Variants in KCNQ1OT1 observed in about 807,000 individuals in gnomAD.
KCNQ1OT1 encodes KCNQ1 antisense RNA 2 (non-protein coding).
exon 1 of KCNQ1OT1, chr11:2,685,748 G>A: frequency 2.5e-6 from 1 of 398,700 alleles, no homozygotes; most frequent in Non-Finnish European, 4.4e-6. Context: ...ATGGCCAGCA[G>A]GCAGGCATCC....
exon 1 of KCNQ1OT1, chr11:2,614,082 G>A (rs933717471): frequency 5.0e-6 from 2 of 398,378 alleles, no homozygotes; most frequent in Non-Finnish European, 8.8e-6. Flanking sequence ...GCATGTGTAG[G>A]TGGTTTCTAG....
exon 1 of KCNQ1OT1, chr11:2,610,674 C>G (rs1194528145): frequency 3.8e-6 from 1 of 263,772 alleles, no homozygotes; most frequent in African/African-American, 3.7e-5. Context: ...ATTTTGCCTT[C>G]TTTTTGAAAG....
At chr11:2,686,611 A>T (rs549352304) in exon 1 of KCNQ1OT1, 2 of 398,658 alleles carry the variant, frequency 5.0e-6, no homozygotes, top group South Asian at 1.3e-4. Context: ...CACTTTTCAC[A>T]TGAGCGTGGC....
At chr11:2,692,725 CCTGCT>C in exon 1 of KCNQ1OT1, 1 of 398,660 alleles carries the variant, frequency 2.5e-6, no homozygotes, top group Non-Finnish European at 4.4e-6. Flanking sequence ...TAGGCAGGTC[CCTGCT>C]CCTATCAAAT....
chr11:2,616,474 G>T, exon 1 of KCNQ1OT1: 1 of 397,698 alleles, frequency 2.5e-6, no homozygotes, highest in Non-Finnish European at 4.4e-6. Context: ...GTTACGTAAG[G>T]TATAATATTA....
chr11:2,627,957 T>C lies in KCNQ1OT1; in HGVS notation n.72038A>G. On this transcript the variant is annotated non_coding_transcript_exon_variant, in exon 1 of 1. Coordinates refer to ENST00000597346, the Ensembl canonical transcript of KCNQ1OT1. The surrounding 1 kb of genome is among the most constrained non-coding windows in gnomAD (Gnocchi z 4.9). ...TGTAGAGATAGGGTATCACTATGTT[T>C]CCTAGGCTGGTCTCAAACTCCTGTG... is the stretch of plus-strand genomic sequence containing the variant. 1 of 398,516 alleles carries C rather than the reference T, an allele frequency of 2.5e-6. No homozygotes were observed. The highest frequency in any genetic ancestry group is 4.4e-6 in the Non-Finnish European group (1 of 226,036). The allele number at this position is 398,516 out of a possible 1,614,324, so 24.7% of individuals were successfully genotyped here.
exon 1 of KCNQ1OT1, chr11:2,666,091 C>G (rs1850061922): frequency 5.0e-6 from 2 of 398,596 alleles, no homozygotes; most frequent in African/African-American, 4.1e-5. Context: ...ATGGCTCTGC[C>G]CAGCCCAGTC....
exon 1 of KCNQ1OT1, chr11:2,692,707 T>G (rs1590036185): frequency 2.5e-6 from 1 of 398,688 alleles, no homozygotes. Flanking sequence ...CCACTAACCC[T>G]GGGAGGGTAG....
chr11:2,687,426 C>T lies in KCNQ1OT1; in HGVS notation n.12569G>A. ...GAGGTCAGTAGGCACCTGTGTCCACCCAGCTGTCCATACAGATCCCTGCCT... is the reference window on the plus strand; with the variant it reads ...GAGGTCAGTAGGCACCTGTGTCCACTCAGCTGTCCATACAGATCCCTGCCT... On this transcript the variant is annotated non_coding_transcript_exon_variant, in exon 1 of 1. Coordinates refer to ENST00000597346, the Ensembl canonical transcript of KCNQ1OT1. The surrounding 1 kb of genome is among the most constrained non-coding windows in gnomAD (Gnocchi z 5.0). 1 of 398,634 alleles carries T rather than the reference C, an allele frequency of 2.5e-6. No homozygotes were observed. The highest frequency in any genetic ancestry group is 4.4e-6 in the Non-Finnish European group (1 of 226,126). 24.7% of individuals were successfully genotyped at this position (398,634 alleles called of 1,614,324 possible). A position where few individuals can be genotyped will look rare whatever the true frequency, so the allele number is the denominator to read the frequency against.
rs1264919298 is a variant in KCNQ1OT1, at chr11:2,623,849, C to T, written n.76146G>A. 4 of 398,362 alleles carry T rather than the reference C, an allele frequency of 1.0e-5. No homozygotes were observed. The highest frequency in any genetic ancestry group is 1.3e-4 in the South Asian group (1 of 7,862). 24.7% of individuals were successfully genotyped at this position (398,362 alleles called of 1,614,324 possible). On this transcript the variant is annotated non_coding_transcript_exon_variant, in exon 1 of 1. Transcript: ENST00000597346. This position sits in a 1 kb window ranked among gnomAD's most constrained non-coding sequence, Gnocchi z 5.2. ...TAATTTTATAAGAAACCACTGATTT[C>T]GATATACTCTGGATTCTTCGGGGGA...
rs1444348292 is a variant in KCNQ1OT1, at chr11:2,690,760, G to A, written n.9235C>T. Reference sequence around the variant, plus strand: ...GAGTATGATCCCAAATCCCTTAGGTGGATGTGGCCTGGCAGGGGGTCAGCA... The same window carrying A: ...GAGTATGATCCCAAATCCCTTAGGTAGATGTGGCCTGGCAGGGGGTCAGCA... On this transcript the variant is annotated non_coding_transcript_exon_variant, in exon 1 of 1. Transcript: ENST00000597346. This position sits in a 1 kb window ranked among gnomAD's most constrained non-coding sequence, Gnocchi z 5.1. The A allele has an allele frequency of 5.0e-6, 2 of 398,556 alleles. No individual in the cohort carries two copies. Among genetic ancestry groups the A allele is most frequent in the Non-Finnish European group, 8.8e-6 (2 of 226,092 alleles). 24.7% of individuals were successfully genotyped at this position (398,556 alleles called of 1,614,324 possible). A position where few individuals can be genotyped will look rare whatever the true frequency, so the allele number is the denominator to read the frequency against.
Position 2,617,495 on chromosome 11 carries a change from A to G in KCNQ1OT1, n.82500T>C. On this transcript the variant is annotated non_coding_transcript_exon_variant, in exon 1 of 1. Transcript: ENST00000597346. The surrounding 1 kb of genome is among the most constrained non-coding windows in gnomAD (Gnocchi z 4.6). ...TGGACACGTAAGTTTTCATATCGTG[A>G]CTCATGCATATAATGCCACAATGAA... The G allele has an allele frequency of 2.5e-6, 1 of 398,446 alleles. No individual in the cohort carries two copies. The highest frequency in any genetic ancestry group is 4.4e-6 in the Non-Finnish European group (1 of 225,964). 24.7% of individuals were successfully genotyped at this position (398,446 alleles called of 1,614,324 possible).
Position 2,661,940 on chromosome 11 carries a change from G to A in KCNQ1OT1, n.38055C>T, listed in dbSNP as rs755383531. The A allele has an allele frequency of 1.2e-6, 2 of 1,614,110 alleles. No homozygotes were observed. Among genetic ancestry groups the A allele is most frequent in the East Asian group, 2.2e-5 (1 of 44,884 alleles). On this transcript the variant is annotated non_coding_transcript_exon_variant, in exon 1 of 1. Transcript: ENST00000597346. The surrounding 1 kb of genome is among the most constrained non-coding windows in gnomAD (Gnocchi z 5.9). Reference sequence around the variant, plus strand: ...GGTTGGGTGGGAGGCCTAACGTGCTGTCCCCACACTTTCTCCTCAGTAAGG... The same window carrying A: ...GGTTGGGTGGGAGGCCTAACGTGCTATCCCCACACTTTCTCCTCAGTAAGG...
chr11:2,686,035 C>G (rs1850483931), exon 1 of KCNQ1OT1: 1 of 399,420 alleles, frequency 2.5e-6, no homozygotes, highest in East Asian at 3.6e-5. Flanking sequence ...GCCCCGCCAG[C>G]TCGCACCATC....
chr11:2,620,988 T>A lies in KCNQ1OT1; in HGVS notation n.79007A>T. On this transcript the variant is annotated non_coding_transcript_exon_variant, in exon 1 of 1. Coordinates refer to ENST00000597346, the Ensembl canonical transcript of KCNQ1OT1. The surrounding 1 kb of genome is among the most constrained non-coding windows in gnomAD (Gnocchi z 4.5). ...TTTTTTGCTTTTTTGTTTGTTTGTT[T>A]GTTTTTTGAGAAAGAGTCTTGCTCT... 2.5e-6 allele frequency: 1 copy of A among 397,966 alleles called. No homozygotes were observed. The highest frequency in any genetic ancestry group is 4.4e-6 in the Non-Finnish European group (1 of 226,026). 24.7% of individuals were successfully genotyped at this position (397,966 alleles called of 1,614,324 possible). A position where few individuals can be genotyped will look rare whatever the true frequency, so the allele number is the denominator to read the frequency against.
At position 2,620,028 on chromosome 11, in the gene KCNQ1OT1, A is replaced by G. The variant is rs1012705877; in HGVS notation, n.79967T>C. The G allele has an allele frequency of 7.5e-6, 3 of 398,162 alleles. No individual in the cohort carries two copies. The highest frequency in any genetic ancestry group is 1.3e-5 in the Non-Finnish European group (3 of 226,028). The allele number at this position is 398,162 out of a possible 1,614,324, so 24.7% of individuals were successfully genotyped here. On this transcript the variant is annotated non_coding_transcript_exon_variant, in exon 1 of 1. Transcript: ENST00000597346. The surrounding 1 kb of genome is among the most constrained non-coding windows in gnomAD (Gnocchi z 4.5). ...AGCCCACCTCTCCATTCCTCCCCCA[A>G]GTAGTCCCCAGTGTCTACTGATCAT...
exon 1 of KCNQ1OT1, chr11:2,632,650 C>G: frequency 2.5e-6 from 1 of 398,338 alleles, no homozygotes. Flanking sequence ...ACTCAAATAT[C>G]ATTTCTCTGT....
Position 2,627,794 on chromosome 11 carries a change from A to G in KCNQ1OT1, n.72201T>C, listed in dbSNP as rs1456759356. ...GAGACAGGGTCTCCATCTGTCATCC[A>G]GGCAGGAGTACAGTGGCACAATCAC... On this transcript the variant is annotated non_coding_transcript_exon_variant, in exon 1 of 1. Coordinates refer to ENST00000597346, the Ensembl canonical transcript of KCNQ1OT1. The surrounding 1 kb of genome is among the most constrained non-coding windows in gnomAD (Gnocchi z 4.9). The G allele has an allele frequency of 2.5e-6, 1 of 398,294 alleles. No individual in the cohort carries two copies. Among genetic ancestry groups the G allele is most frequent in the Non-Finnish European group, 4.4e-6 (1 of 226,068 alleles). The allele number at this position is 398,294 out of a possible 1,614,324, so 24.7% of individuals were successfully genotyped here.
exon 1 of KCNQ1OT1, chr11:2,689,392 G>A: frequency 2.5e-6 from 1 of 398,708 alleles, no homozygotes; most frequent in Admixed American, 4.4e-5. Context: ...GGTGGAAGAA[G>A]CCCACTCTTG....
Sources: allele counts gnomAD v4.1 joint callset, GRCh38; gene constraint gnomAD v4.1.1; non-coding constraint Gnocchi (gnomAD v3.1); transcripts MANE v1.5; gene names NCBI Gene and HGNC (gene_info 2026-07-23, HGNC 2026-07-21).